Variants in NXPH1 observed in about 807,000 individuals in gnomAD.
NXPH1 encodes neurexophilin 1, also known as neurexophilin-1.
Under a neutral mutation model 23.7 loss-of-function variants are expected in NXPH1, and 5 were observed. The ratio of observed to expected loss-of-function variants is 0.21; its 90% CI spans 0.11 to 0.44. The LOEUF (loss-of-function observed/expected upper bound fraction) is 0.44. Ranked by LOEUF, NXPH1 falls within the 20% of genes least tolerant of loss-of-function variation. The pLI, the probability that NXPH1 is intolerant of heterozygous loss-of-function variation, is 0.99. For missense variants in NXPH1, 324 were observed against 321.6 expected (o/e 1.01, Z -0.06); for synonymous variants, 144 against 122.2 (o/e 1.18, Z -1.18).
chr7:8,543,983 G>T (rs187634266), intron 2 of NXPH1, among the ~76,000 whole-genome samples: 193 of 151,632 alleles, frequency 1.3e-3, no homozygotes, highest in Middle Eastern at 6.8e-3. Flanking sequence ...GGCAAAAGAG[G>T]TTAAGTGACT....
chr7:8,585,678 CTTTG>C (rs983229635), intron 2 of NXPH1, among the ~76,000 whole-genome samples: 46 of 152,196 alleles, frequency 3.0e-4, no homozygotes, highest in South Asian at 2.9e-3. Context: ...TTTCAAGAAA[CTTTG>C]TTTGTGTATT....
At chr7:8,468,798 A>G (rs1816825370) in intron 2 of NXPH1, among the ~76,000 whole-genome samples, 1 of 152,098 alleles carries the variant, frequency 6.6e-6, no homozygotes, top group African/African-American at 2.4e-5. Flanking sequence ...GATTTGAGCG[A>G]CTATTCTAGT....
intron 2 of NXPH1, among the ~76,000 whole-genome samples, chr7:8,611,137 G>A (rs1011778696): frequency 6.6e-6 from 1 of 152,128 alleles, no homozygotes; most frequent in East Asian, 1.9e-4. Flanking sequence ...ACATATTTAT[G>A]TGATACAGAG....
rs183094176 is a variant in NXPH1, at chr7:8,561,216, G to A, written c.54+125449G>A. ...TTTCGAAGCTCTGAAAGAGAAAAAT[G>A]ATTCTAGCAAGGAGATTTGGTTGGT... On this transcript the variant is annotated intron_variant, in intron 2 of 2. Coordinates refer to ENST00000405863, the MANE Select transcript of NXPH1 (RefSeq NM_152745.3). Among the ~76,000 whole-genome samples the A allele has an allele frequency of 1.9e-4, 29 of 151,604 alleles. No homozygotes were observed. In the East Asian group the frequency reaches 4.5e-3, roughly 24 times the overall value.
At chr7:8,523,293 A>T (rs748776661) in intron 2 of NXPH1, among the ~76,000 whole-genome samples, 3 of 152,202 alleles carry the variant, frequency 2.0e-5, no homozygotes, top group Non-Finnish European at 2.9e-5. Flanking sequence ...AATTTCTAAT[A>T]TTGGGAGATG....
intron 2 of NXPH1, among the ~76,000 whole-genome samples, chr7:8,567,642 T>A (rs757746911): frequency 6.6e-6 from 1 of 151,950 alleles, no homozygotes; most frequent in Non-Finnish European, 1.5e-5. Context: ...CCACATCTTT[T>A]CAAACTTTAT....
At chr7:8,453,235 G>A (rs761830176) in intron 2 of NXPH1, among the ~76,000 whole-genome samples, 2 of 152,164 alleles carry the variant, frequency 1.3e-5, no homozygotes, top group Non-Finnish European at 2.9e-5. Flanking sequence ...CATCATAAAC[G>A]TATTACCCTC....
intron 2 of NXPH1, among the ~76,000 whole-genome samples, chr7:8,637,488 C>T (rs75995812): frequency 0.052 from 7,885 of 152,130 alleles, 424 homozygotes; most frequent in East Asian, 0.17. Flanking sequence ...CCTCCCAAAG[C>T]GCTGGGGATT....
intron 2 of NXPH1, among the ~76,000 whole-genome samples, chr7:8,685,899 C>T (rs932425093): frequency 1.3e-5 from 2 of 151,944 alleles, no homozygotes; most frequent in African/African-American, 4.8e-5. Context: ...AATAATTGTA[C>T]ATTTTAAAAC....
rs1237455204 is a variant in NXPH1, at chr7:8,434,109, G to C, written c.-757G>C. 6.6e-6 allele frequency: 1 copy of C among 152,238 alleles called. No homozygotes were observed. The highest frequency in any genetic ancestry group is 6.5e-5 in the Admixed American group (1 of 15,290). The allele number at this position is 152,238 out of a possible 1,614,324, so 9.4% of individuals were successfully genotyped here. ...AGCGCCCGGGACTCCACTGGGGACC[G>C]GCTCCTGGGCTTCCCAGCGTCGCGG... On this transcript the variant is annotated 5_prime_UTR_variant, in exon 1 of 3. Coordinates refer to ENST00000405863, the MANE Select transcript of NXPH1 (RefSeq NM_152745.3). This position sits in a 1 kb window ranked among gnomAD's most constrained non-coding sequence, Gnocchi z 7.6.
intron 2 of NXPH1, among the ~76,000 whole-genome samples, chr7:8,506,495 C>T (rs898168945): frequency 2.0e-5 from 3 of 152,066 alleles, no homozygotes; most frequent in Non-Finnish European, 4.4e-5. Context: ...TGAATACCTA[C>T]CTTTGGTTGC....
chr7:8,469,011 C>T (rs1422778011), intron 2 of NXPH1, among the ~76,000 whole-genome samples: 2 of 151,858 alleles, frequency 1.3e-5, no homozygotes, highest in East Asian at 3.9e-4. Flanking sequence ...TAACTGAATG[C>T]TCATGTTGAA....
chr7:8,453,727 C>T (rs569959313), intron 2 of NXPH1, among the ~76,000 whole-genome samples: 2 of 152,184 alleles, frequency 1.3e-5, no homozygotes, highest in East Asian at 1.9e-4. Context: ...CCAGCTCTAC[C>T]CATGTCCCTG....
intron 2 of NXPH1, among the ~76,000 whole-genome samples, chr7:8,658,005 G>A (rs1820608653): frequency 6.6e-6 from 1 of 152,186 alleles, no homozygotes. Context: ...TCCAGCCTGG[G>A]CAACAGAGCA....
chr7:8,518,957 A>G (rs1324696375), intron 2 of NXPH1, among the ~76,000 whole-genome samples: 3 of 151,638 alleles, frequency 2.0e-5, no homozygotes, highest in Non-Finnish European at 4.4e-5. Context: ...GAGATAGTGC[A>G]TGCTGATTTT....
intron 2 of NXPH1, among the ~76,000 whole-genome samples, chr7:8,537,673 G>T (rs891319435): frequency 6.6e-6 from 1 of 151,792 alleles, no homozygotes; most frequent in African/African-American, 2.4e-5. Flanking sequence ...CACTAAACTG[G>T]GAATTATCAC....
In NXPH1 at chr7:8,435,858, A is replaced by G; in HGVS notation, c.54+91A>G. The stretch of plus-strand genomic sequence containing the variant: ...CACGCGGGAGAAGGGTTACGCCGCC[A>G]GTTCAGTGAGAGCAGCTTCCTAGCA... On this transcript the variant is annotated intron_variant, in intron 2 of 2. Coordinates refer to ENST00000405863, the MANE Select transcript of NXPH1 (RefSeq NM_152745.3). This position sits in a 1 kb window ranked among gnomAD's most constrained non-coding sequence, Gnocchi z 5.9. 1 of 1,184,316 alleles carries G rather than the reference A, an allele frequency of 8.4e-7. No individual in the cohort carries two copies. Among genetic ancestry groups the G allele is most frequent in the African/African-American group, 1.5e-5 (1 of 66,390 alleles). The allele number at this position is 1,184,316 out of a possible 1,614,324, so 73.4% of individuals were successfully genotyped here.
At chr7:8,718,301 G>A (rs1320897950) in intron 2 of NXPH1, among the ~76,000 whole-genome samples, 1 of 152,106 alleles carries the variant, frequency 6.6e-6, no homozygotes, top group South Asian at 2.1e-4. Flanking sequence ...CTCTACTGAA[G>A]ACCGCAAACC....
At chr7:8,576,676 GA>G (rs1818762503) in intron 2 of NXPH1, among the ~76,000 whole-genome samples, 1 of 152,030 alleles carries the variant, frequency 6.6e-6, no homozygotes, top group East Asian at 1.9e-4. Flanking sequence ...ACAGACAGTA[GA>G]AAAAAAGGAT....
Sources: allele counts gnomAD v4.1 joint callset (sites outside exome capture counted in the v4.1 genomes callset), GRCh38; gene constraint gnomAD v4.1.1; non-coding constraint Gnocchi (gnomAD v3.1); transcripts MANE v1.5; gene names NCBI Gene and HGNC (gene_info 2026-07-23, HGNC 2026-07-21).